ABL2: variants seen among roughly 807,000 people sequenced by gnomAD.
ABL2 encodes tyrosine-protein kinase ABL2.
ABL2 carries 49 observed loss-of-function variants against 107.7 expected under a neutral mutation model. The observed-to-expected ratio is 0.45, with a 90% CI of 0.36 to 0.58. The LOEUF is 0.58. Ranked by LOEUF, ABL2 falls within the 20% of genes least tolerant of loss-of-function variation. The probability of loss-of-function intolerance (pLI) is 0.00; values close to 1 mark genes in which losing one functional copy is unlikely to be tolerated. For synonymous variants in ABL2, 549 were observed against 548.6 expected (o/e 1.00, Z -0.01); for missense variants, 1,245 against 1,457.0 (o/e 0.85, Z 2.37).
At position 179,140,852 on chromosome 1, in the gene ABL2, C is replaced by T. The variant is rs117676453; in HGVS notation, c.158-7478G>A. 8.5e-3 allele frequency among the ~76,000 whole-genome samples: 1,296 copies of T among 152,174 alleles called. 45 individuals carry two copies. Among genetic ancestry groups the T allele is most frequent in the Admixed American group, 0.057 (871 of 15,274 alleles). On this transcript the variant is annotated intron_variant, in intron 1 of 11. Transcript: ENST00000502732. ...AGTTCAAGACCAGCCTGGGCAACATCATGAGACTTCATCAGGTGTGGTGGC... is the reference window on the plus strand; with the variant it reads ...AGTTCAAGACCAGCCTGGGCAACATTATGAGACTTCATCAGGTGTGGTGGC...
chr1:179,200,771 T>C (rs1015080823), intron 1 of ABL2, among the ~76,000 whole-genome samples: 2 of 152,234 alleles, frequency 1.3e-5, no homozygotes, highest in African/African-American at 4.8e-5. Context: ...ATGGCCGTGC[T>C]TTATCACAGC....
intron 1 of ABL2, among the ~76,000 whole-genome samples, chr1:179,185,166 G>A (rs74464777): frequency 0.011 from 1,737 of 152,206 alleles, 31 homozygotes; most frequent in African/African-American, 0.039. Flanking sequence ...GTTTAAAAAG[G>A]GGGAAAGAAA....
intron 2 of ABL2, among the ~76,000 whole-genome samples, chr1:179,132,206 G>A (rs886223104): frequency 2.0e-5 from 3 of 152,148 alleles, no homozygotes; most frequent in African/African-American, 7.2e-5. Flanking sequence ...CTTAATTGAA[G>A]AGCCTAGAAA....
intron 1 of ABL2, among the ~76,000 whole-genome samples, chr1:179,164,008 T>C (rs1179499540): frequency 6.6e-6 from 1 of 152,092 alleles, no homozygotes; most frequent in African/African-American, 2.4e-5. Context: ...AAAACTCTAG[T>C]GGTGGAGAAC....
intron 1 of ABL2, among the ~76,000 whole-genome samples, chr1:179,164,830 C>T (rs1316165490): frequency 6.6e-6 from 1 of 152,190 alleles, no homozygotes; most frequent in East Asian, 1.9e-4. Flanking sequence ...ACCTTGCTCT[C>T]ATGAGATACA....
At chr1:179,138,698 C>T (rs931421989) in intron 1 of ABL2, among the ~76,000 whole-genome samples, 7 of 152,346 alleles carry the variant, frequency 4.6e-5, no homozygotes, top group East Asian at 1.9e-4. Flanking sequence ...AGCCCTCGCT[C>T]GCTCTCGGTG....
chr1:179,117,753 C>T (rs1022683159), intron 7 of ABL2, among the ~76,000 whole-genome samples: 1 of 152,072 alleles, frequency 6.6e-6, no homozygotes, highest in African/African-American at 2.4e-5. Flanking sequence ...TATAAGTACA[C>T]TGGGATAGGT....
chr1:179,129,724 C>A (rs1656097943), intron 3 of ABL2, among the ~76,000 whole-genome samples: 2 of 151,820 alleles, frequency 1.3e-5, no homozygotes, highest in African/African-American at 4.8e-5. Context: ...TTTGTTCTAT[C>A]CTCAAATTTT....
Position 179,104,359 on chromosome 1 carries a change from T to G in ABL2, c.*3359A>C. On this transcript the variant is annotated 3_prime_UTR_variant, in exon 12 of 12. Coordinates refer to ENST00000502732, the MANE Select transcript of ABL2 (RefSeq NM_007314.4). The stretch of plus-strand genomic sequence containing the variant: ...CTTTAAACTCAAAATCTCCATGACT[T>G]TAGTTAAATAAAAATGGGCAGTGCC... 4.5e-6 allele frequency: 1 copy of G among 224,482 alleles called. No homozygotes were observed. Among genetic ancestry groups the G allele is most frequent in the Non-Finnish European group, 8.9e-6 (1 of 112,636 alleles). 13.9% of individuals were successfully genotyped at this position (224,482 alleles called of 1,614,324 possible). A position where few individuals can be genotyped will look rare whatever the true frequency, so the allele number is the denominator to read the frequency against.
intron 1 of ABL2, among the ~76,000 whole-genome samples, chr1:179,185,440 T>G (rs1036239995): frequency 6.6e-6 from 1 of 151,998 alleles, no homozygotes; most frequent in East Asian, 1.9e-4. Flanking sequence ...TTTCACCCTG[T>G]TTTTTTTAAA....
chr1:179,229,230 G>T lies in ABL2; in HGVS notation c.157+11C>A. On this transcript the variant is annotated intron_variant, in intron 1 of 11. Coordinates refer to ENST00000502732, the MANE Select transcript of ABL2 (RefSeq NM_007314.4). ...CCCCACGCTCTCATGCCGGCTCCCA[G>T]ACACACTCACCATGCTGGGTGAAGA... The T allele has an allele frequency of 8.4e-7, 1 of 1,187,842 alleles. No individual in the cohort carries two copies. The highest frequency in any genetic ancestry group is 1.4e-5 in the South Asian group (1 of 71,266). The allele number at this position is 1,187,842 out of a possible 1,614,324, so 73.6% of individuals were successfully genotyped here.
At chr1:179,226,985 C>T (rs1185212205) in intron 1 of ABL2, among the ~76,000 whole-genome samples, 1 of 152,078 alleles carries the variant, frequency 6.6e-6, no homozygotes, top group Non-Finnish European at 1.5e-5. Context: ...TCAAAAAAAA[C>T]CCTTGTTTGT....
Position 179,108,672 on chromosome 1 carries a change from G to A in ABL2, c.2595C>T (p.Pro865=), listed in dbSNP as rs1468255704. 4 of 1,614,086 alleles carry A rather than the reference G, an allele frequency of 2.5e-6. No individual in the cohort carries two copies. The highest frequency in any genetic ancestry group is 4.5e-5 in the East Asian group (2 of 44,902). ...RGATALPLRT[P]SGDLAITEKD... ...TCTCTGTAATGGCTAGATCCCCAGAGGGTGTTCTGAGAGGAAGAGCTGTGG... is the reference window on the plus strand; with the variant it reads ...TCTCTGTAATGGCTAGATCCCCAGAAGGTGTTCTGAGAGGAAGAGCTGTGG... The change falls in exon 12 of 12, where the codon CCC becomes CCT. Residue 865 remains proline, a synonymous_variant. Transcript: ENST00000502732.
intron 1 of ABL2, among the ~76,000 whole-genome samples, chr1:179,178,574 T>G (rs1218502941): frequency 6.6e-6 from 1 of 151,950 alleles, no homozygotes; most frequent in Non-Finnish European, 1.5e-5. Context: ...ATGGCAAAAG[T>G]ATCAAGATCT....
intron 1 of ABL2, among the ~76,000 whole-genome samples, chr1:179,200,146 A>G (rs1406672612): frequency 6.6e-6 from 1 of 151,072 alleles, no homozygotes; most frequent in African/African-American, 2.4e-5. Flanking sequence ...TCCCAGGTTC[A>G]AGAGATTCTC....
intron 5 of ABL2, among the ~76,000 whole-genome samples, chr1:179,120,839 T>C (rs1279467073): frequency 6.6e-6 from 1 of 152,180 alleles, no homozygotes; most frequent in African/African-American, 2.4e-5. Flanking sequence ...AGGAGCCCTG[T>C]ATTGGATAGT....
In ABL2 at chr1:179,229,381, C is replaced by G. The variant is rs747485312; in HGVS notation, c.17G>C (p.Gly6Ala). The G allele has an allele frequency of 3.2e-5, 50 of 1,557,832 alleles. No individual in the cohort carries two copies. In the African/African-American group the frequency reaches 6.3e-4, roughly 20 times the overall value. MGQQVGRVGEAPGLQQ... is the reference protein window; with the variant it reads MGQQVARVGEAPGLQQ... ...GAGCCCCGGAGCTTCCCCGACGCGG[C>G]CCACCTGCTGCCCCATCCCTGCTCT... is the stretch of plus-strand genomic sequence containing the variant. The change falls in exon 1 of 12, where the codon GGC becomes GCC. Residue 6 changes from glycine to alanine, a missense_variant. By Grantham distance (60) the Gly-to-Ala change is moderately conservative. This residue lies in a region of ABL2 where 164 missense variants were observed against 143.7 expected (regional missense o/e 1.14). Transcript: ENST00000502732.
chr1:179,146,627 C>A (rs1007135919), intron 1 of ABL2, among the ~76,000 whole-genome samples: 17 of 152,006 alleles, frequency 1.1e-4, no homozygotes, highest in African/African-American at 4.1e-4. Context: ...CAGGATCAGG[C>A]GGAGATAATC....
intron 1 of ABL2, among the ~76,000 whole-genome samples, chr1:179,214,932 G>C (rs1662477361): frequency 6.6e-6 from 1 of 152,134 alleles, no homozygotes; most frequent in South Asian, 2.1e-4. Flanking sequence ...GGCCAAGGCA[G>C]ACAGATTGCC....
Sources: gnomAD v4.1 joint callset for allele counts (sites outside exome capture counted in the v4.1 genomes callset) on GRCh38, gnomAD v4.1.1 for gene constraint, gnomAD v4.1.1 regional missense constraint, MANE v1.5 for transcripts, NCBI Gene and HGNC (gene_info 2026-07-23, HGNC 2026-07-21) for gene names.